The following DLG2 variants were observed in gnomAD, a reference collection of about 807,000 sequenced individuals.
DLG2 encodes disks large homolog 2.
A neutral mutation model predicts 132.5 loss-of-function variants in DLG2; 45 were observed. The observed-to-expected ratio is 0.34, with a 90% confidence interval of 0.27 to 0.44. The LOEUF is 0.44. DLG2 is among the 20% of genes least tolerant of loss of function. The pLI is 1.00. For synonymous variants in DLG2, 424 were observed against 419.6 expected, an observed-to-expected ratio of 1.01 and a Z score of -0.13; for missense variants, 1,045 against 1,196.9, an observed-to-expected ratio of 0.87 and a Z score of 1.87.
chr11:85,077,411 A>T (rs2066685329), intron 6 of DLG2, among the ~76,000 whole-genome samples: 1 of 152,014 alleles, frequency 6.6e-6, no homozygotes, highest in Admixed American at 6.6e-5. Context: ...AGACTGCTTC[A>T]AAAAGCCTAT....
chr11:85,023,071 G>A (rs944448812), intron 6 of DLG2, among the ~76,000 whole-genome samples: 1 of 151,830 alleles, frequency 6.6e-6, no homozygotes, highest in Non-Finnish European at 1.5e-5. Context: ...AAACAACATC[G>A]ATACTAAAAA....
chr11:83,505,422 G>A (rs907927994), intron 21 of DLG2, among the ~76,000 whole-genome samples: 1 of 152,162 alleles, frequency 6.6e-6, no homozygotes, highest in African/African-American at 2.4e-5. Flanking sequence ...CGATGACAGG[G>A]GTGGCTGGGG....
chr11:84,306,490 C>A (rs531959467), intron 7 of DLG2, among the ~76,000 whole-genome samples: 4 of 152,138 alleles, frequency 2.6e-5, no homozygotes, highest in Non-Finnish European at 4.4e-5. Context: ...GCTAACAGAA[C>A]AAAGTGTAAT....
At chr11:85,505,777 T>C (rs2093916812) in intron 3 of DLG2, among the ~76,000 whole-genome samples, 1 of 152,210 alleles carries the variant, frequency 6.6e-6, no homozygotes, top group Admixed American at 6.5e-5. Context: ...TTGATTGGAA[T>C]AGTTTCAGAA....
At chr11:84,158,925 T>C (rs2095488369) in intron 9 of DLG2, among the ~76,000 whole-genome samples, 1 of 152,216 alleles carries the variant, frequency 6.6e-6, no homozygotes, top group African/African-American at 2.4e-5. Context: ...AACCTTTACG[T>C]TAACTCATGT....
At chr11:85,514,422 A>G (rs569023686) in intron 3 of DLG2, among the ~76,000 whole-genome samples, 1 of 152,042 alleles carries the variant, frequency 6.6e-6, no homozygotes, top group Middle Eastern at 3.4e-3. Flanking sequence ...TGCTTTTATT[A>G]TTTTACCTTA....
chr11:85,395,303 AG>A (rs1437970411), intron 3 of DLG2, among the ~76,000 whole-genome samples: 1 of 152,200 alleles, frequency 6.6e-6, no homozygotes, highest in Non-Finnish European at 1.5e-5. Context: ...GTGGCTGAAT[AG>A]GAACAGCTCT....
At chr11:84,558,753 A>G (rs1448654790) in intron 6 of DLG2, among the ~76,000 whole-genome samples, 1 of 152,126 alleles carries the variant, frequency 6.6e-6, no homozygotes, top group Admixed American at 6.5e-5. Context: ...TTCCGTTCAG[A>G]TGTGTATAAC....
intron 6 of DLG2, chr11:84,640,497 G>A: frequency 4.5e-6 from 2 of 441,104 alleles, no homozygotes; most frequent in Non-Finnish European, 8.0e-6. Flanking sequence ...TAAAAACAAA[G>A]ATATCAGAAA....
intron 7 of DLG2, among the ~76,000 whole-genome samples, chr11:84,383,680 C>A (rs2154434973): frequency 6.6e-6 from 1 of 152,182 alleles, no homozygotes; most frequent in African/African-American, 2.4e-5. Flanking sequence ...AGCTGAGGCT[C>A]TCAGCCATAC....
At chr11:84,018,512 C>T (rs767636443) in intron 11 of DLG2, among the ~76,000 whole-genome samples, 1 of 151,698 alleles carries the variant, frequency 6.6e-6, no homozygotes, top group Non-Finnish European at 1.5e-5. Flanking sequence ...AATATTATCA[C>T]CTTAAGAATT....
intron 6 of DLG2, among the ~76,000 whole-genome samples, chr11:84,721,039 C>A (rs1168004760): frequency 6.6e-6 from 1 of 152,038 alleles, no homozygotes; most frequent in South Asian, 2.1e-4. Flanking sequence ...GAGTCCCCAG[C>A]GTGGGAGCGC....
chr11:84,920,328 T>C (rs146519111), intron 6 of DLG2, among the ~76,000 whole-genome samples: 2,892 of 152,302 alleles, frequency 0.019, 36 homozygotes, highest in Middle Eastern at 0.038. Flanking sequence ...TTACCCAGCA[T>C]GCCTTCCTTA....
intron 19 of DLG2, among the ~76,000 whole-genome samples, chr11:83,620,529 C>T (rs1354815513): frequency 2.0e-5 from 3 of 152,016 alleles, no homozygotes; most frequent in African/African-American, 7.3e-5. Context: ...ATGAAGAAAG[C>T]ATACGTACAC....
At chr11:83,497,068 G>C (rs1381830756) in intron 21 of DLG2, among the ~76,000 whole-genome samples, 1 of 152,056 alleles carries the variant, frequency 6.6e-6, no homozygotes, top group Non-Finnish European at 1.5e-5. Context: ...TTTCATTTTG[G>C]TATCTCTGGG....
chr11:84,459,532 T>C (rs2099074611), intron 7 of DLG2, among the ~76,000 whole-genome samples: 1 of 150,708 alleles, frequency 6.6e-6, no homozygotes, highest in Non-Finnish European at 1.5e-5. Context: ...AAAAAATTAA[T>C]ACTAGAAAAT....
At chr11:84,727,666 T>C (rs1156989656) in intron 6 of DLG2, among the ~76,000 whole-genome samples, 1 of 152,168 alleles carries the variant, frequency 6.6e-6, no homozygotes, top group Non-Finnish European at 1.5e-5. Context: ...GAGATAGCAC[T>C]GAATCTATAA....
intron 6 of DLG2, among the ~76,000 whole-genome samples, chr11:85,107,748 T>C (rs911774488): frequency 1.3e-5 from 2 of 151,882 alleles, no homozygotes; most frequent in Non-Finnish European, 2.9e-5. Flanking sequence ...ATTCTAGTGA[T>C]TAATATAGCC....
At chr11:84,824,686 G>C (rs1186950356) in intron 6 of DLG2, among the ~76,000 whole-genome samples, 1 of 151,882 alleles carries the variant, frequency 6.6e-6, no homozygotes, top group Non-Finnish European at 1.5e-5. Flanking sequence ...TTTGCATCTT[G>C]TCAGAGGCTC....
Sources: allele counts gnomAD v4.1 joint callset (sites outside exome capture counted in the v4.1 genomes callset), GRCh38; gene constraint gnomAD v4.1.1; transcripts MANE v1.5; gene names NCBI Gene and HGNC (gene_info 2026-07-23, HGNC 2026-07-21).